Variants in PDE4B observed in about 807,000 individuals in gnomAD.
PDE4B encodes the protein phosphodiesterase 4B, also known as 3',5'-cyclic-AMP phosphodiesterase 4B.
PDE4B carries 20 observed loss-of-function variants against 82.2 expected under a neutral mutation model. The observed-to-expected ratio is 0.24, with a 90% CI of 0.17 to 0.35. The LOEUF is 0.35. Among genes scored for constraint, PDE4B ranks in the 10% least tolerant of loss-of-function variants. The pLI is 1.00. For synonymous variants in PDE4B, 320 were observed against 318.9 expected (o/e 1.00, Z -0.04); for missense variants, 655 against 907.2 (o/e 0.72, Z 3.57).
At chr1:66,316,648 G>T (rs1423606865) in intron 7 of PDE4B, among the ~76,000 whole-genome samples, 2 of 152,188 alleles carry the variant, frequency 1.3e-5, no homozygotes, top group Admixed American at 6.5e-5. Flanking sequence ...GTAAATATTG[G>T]TCTAAACCAA....
intron 7 of PDE4B, among the ~76,000 whole-genome samples, chr1:66,276,222 C>T (rs563988711): frequency 5.9e-5 from 9 of 152,318 alleles, no homozygotes; most frequent in South Asian, 2.1e-4. Context: ...GAATATATCA[C>T]GTCACCTAAT....
intron 3 of PDE4B, among the ~76,000 whole-genome samples, chr1:66,198,658 G>A (rs988689734): frequency 1.6e-4 from 25 of 151,988 alleles, no homozygotes; most frequent in African/African-American, 5.6e-4. Context: ...TGTGCACAAC[G>A]TGCAGGTTTG....
At chr1:65,928,628 T>A (rs1452688137) in intron 3 of PDE4B, among the ~76,000 whole-genome samples, 1 of 152,168 alleles carries the variant, frequency 6.6e-6, no homozygotes, top group Non-Finnish European at 1.5e-5. Context: ...TCTTCAAAGA[T>A]GCAGGTGCCA....
Position 66,372,704 on chromosome 1 carries a change from A to T in PDE4B, c.*26A>T, listed in dbSNP as rs970793995. On this transcript the variant is annotated 3_prime_UTR_variant, in exon 17 of 17. Transcript: ENST00000341517. ...TCCCCCTCTCCCTGTGGAGATGAAC[A>T]TTCTATCCTTGATGAGCATGCCAGC... 3.8e-6 allele frequency: 6 copies of T among 1,588,664 alleles called. No individual in the cohort carries two copies. The highest frequency in any genetic ancestry group is 5.1e-6 in the Non-Finnish European group (6 of 1,166,392).
At position 65,964,565 on chromosome 1, in the gene PDE4B, G is replaced by A. The variant is rs955871605; in HGVS notation, c.281+45730G>A. On this transcript the variant is annotated intron_variant, in intron 3 of 16. Transcript: ENST00000341517. ...AATGTCCTGGCTAATGTAAAATGATGAGGACATGAGTCTAAGTAATAGATG... is the reference window on the plus strand; with the variant it reads ...AATGTCCTGGCTAATGTAAAATGATAAGGACATGAGTCTAAGTAATAGATG... Among the ~76,000 whole-genome samples, 8 of 152,294 alleles carry A rather than the reference G, an allele frequency of 5.3e-5. No individual in the cohort carries two copies. The East Asian group carries it at 7.7e-4, about 15-fold the overall frequency.
chr1:65,953,961 T>A (rs1018888989), intron 3 of PDE4B, among the ~76,000 whole-genome samples: 2 of 152,090 alleles, frequency 1.3e-5, no homozygotes, highest in East Asian at 1.9e-4. Context: ...TGTAGTGGCA[T>A]GATCTTGGCT....
At chr1:65,825,564 G>A (rs1646004024) in intron 1 of PDE4B, among the ~76,000 whole-genome samples, 1 of 151,820 alleles carries the variant, frequency 6.6e-6, no homozygotes, top group Admixed American at 6.6e-5. Flanking sequence ...CATCTATTGG[G>A]GCCAGGTGCA....
rs1656971890 is a variant in PDE4B at position 66,085,776 on chromosome 1, A to G, written c.282-161684A>G. ...ACCAGCACGAAGATCCAGGGCATGC[A>G]GTACATATTTCCCTTGGTCTTGACA... On this transcript the variant is annotated intron_variant, in intron 3 of 16. Coordinates refer to ENST00000341517, the MANE Select transcript of PDE4B (RefSeq NM_002600.4). Among the ~76,000 whole-genome samples the G allele has an allele frequency of 5.3e-5, 8 of 152,258 alleles. No homozygotes were observed. The South Asian group carries it at 1.7e-3, about 32-fold the overall frequency.
chr1:66,334,112 C>T (rs1335092291), intron 8 of PDE4B, among the ~76,000 whole-genome samples: 2 of 152,094 alleles, frequency 1.3e-5, no homozygotes, highest in Admixed American at 6.5e-5. Flanking sequence ...CACTCTGTTC[C>T]CTGTATTTTG....
At chr1:66,090,621 A>ATATGTG in intron 3 of PDE4B, among the ~76,000 whole-genome samples, 5 of 122,732 alleles carry the variant, frequency 4.1e-5, no homozygotes, top group African/African-American at 1.6e-4. Context: ...TATATAATAT[A>ATATGTG]TGTGTGTGTG....
intron 3 of PDE4B, among the ~76,000 whole-genome samples, chr1:66,100,489 A>C (rs1331645440): frequency 6.6e-6 from 1 of 152,198 alleles, no homozygotes; most frequent in Non-Finnish European, 1.5e-5. Context: ...CTTAATAAAT[A>C]TTCACTTAAT....
chr1:65,848,539 C>T (rs1385843228), intron 1 of PDE4B, among the ~76,000 whole-genome samples: 2 of 152,126 alleles, frequency 1.3e-5, no homozygotes, highest in East Asian at 3.8e-4. Context: ...GTGCCAACTT[C>T]TAGTCACTTC....
intron 7 of PDE4B, among the ~76,000 whole-genome samples, chr1:66,313,231 T>A (rs1255729245): frequency 2.6e-5 from 4 of 152,204 alleles, no homozygotes; most frequent in Non-Finnish European, 4.4e-5. Flanking sequence ...AATGCATAAC[T>A]TCCAGGAAGC....
At chr1:65,848,395 C>T (rs535967005) in intron 1 of PDE4B, among the ~76,000 whole-genome samples, 1 of 152,266 alleles carries the variant, frequency 6.6e-6, no homozygotes, top group South Asian at 2.1e-4. Context: ...CTGTCTGCCT[C>T]AGCCTCCTAA....
At chr1:66,283,596 G>A (rs372021750) in intron 7 of PDE4B, among the ~76,000 whole-genome samples, 4 of 152,034 alleles carry the variant, frequency 2.6e-5, no homozygotes, top group Admixed American at 6.6e-5. Flanking sequence ...TAGAGCTTGC[G>A]TAAGTATAAT....
chr1:66,256,670 G>A (rs1032594809), intron 4 of PDE4B, among the ~76,000 whole-genome samples: 11 of 152,172 alleles, frequency 7.2e-5, no homozygotes, highest in Admixed American at 6.5e-5. Context: ...CCCAGGCCTC[G>A]TGTGGTGCCT....
chr1:66,157,747 T>C (rs1036893178), intron 3 of PDE4B, among the ~76,000 whole-genome samples: 1 of 152,194 alleles, frequency 6.6e-6, no homozygotes, highest in Non-Finnish European at 1.5e-5. Context: ...TCTCCTGTAT[T>C]CCCAACATCT....
At chr1:65,820,712 G>A (rs2101240049) in intron 1 of PDE4B, among the ~76,000 whole-genome samples, 1 of 152,284 alleles carries the variant, frequency 6.6e-6, no homozygotes, top group South Asian at 2.1e-4. Flanking sequence ...CATCTACAAA[G>A]TAGAGATATG....
intron 3 of PDE4B, among the ~76,000 whole-genome samples, chr1:65,983,859 G>C (rs975797685): frequency 1.4e-4 from 22 of 152,108 alleles, no homozygotes; most frequent in African/African-American, 5.3e-4. Flanking sequence ...TTATCAAAAA[G>C]GATCTAATTT....
Sources: allele counts gnomAD v4.1 joint callset (sites outside exome capture counted in the v4.1 genomes callset), GRCh38; gene constraint gnomAD v4.1.1; transcripts MANE v1.5; gene names NCBI Gene and HGNC (gene_info 2026-07-23, HGNC 2026-07-21).